The following TSPAN8 variants were observed in gnomAD, a reference collection of about 807,000 sequenced individuals.
TSPAN8 encodes the protein tetraspanin 8.
TSPAN8 carries 21 observed loss-of-function variants against 32.8 expected under a neutral mutation model. The ratio of observed to expected loss-of-function variants is 0.64; its 90% CI spans 0.45 to 0.92. TSPAN8 has a LOEUF of 0.92. Ranked by LOEUF, TSPAN8 falls within the 40% of genes least tolerant of loss-of-function variation. The pLI, the probability that TSPAN8 is intolerant of heterozygous loss-of-function variation, is 0.00. For synonymous variants in TSPAN8, 95 were observed against 94.6 expected, an observed-to-expected ratio of 1.00 and a Z score of -0.03; for missense variants, 269 against 281.9, an observed-to-expected ratio of 0.95 and a Z score of 0.33.
At chr12:71,156,269 C>CAAAAAAAAAAAAAAAAAAAAAAAAAAAA (rs1287011627) in intron 2 of TSPAN8, among the ~76,000 whole-genome samples, 3 of 32,520 alleles carry the variant, frequency 9.2e-5, no homozygotes, top group African/African-American at 2.5e-4. Flanking sequence ...AAAAAAAAAA[C>CAAAAAAAAAAAAAAAAAAAAAAAAAAAA]AAACAAAAAA....
Position 71,129,409 on chromosome 12 carries a change from A to G in TSPAN8, c.582T>C (p.Cys194=). 6.4e-7 allele frequency: 1 copy of G among 1,563,436 alleles called. No homozygotes were observed. ...YNGKQVYKET[C]ISFIKDFLAK... ...CCAAGAAGTCTTTTATGAAAGAAAT[A>G]CAGGTCTGTTAAAAAAAAAAAACAT... is the stretch of plus-strand genomic sequence containing the variant. The change falls in exon 8 of 9, where the codon TGT becomes TGC. Residue 194 remains cysteine, a synonymous_variant. Coordinates refer to ENST00000247829, the MANE Select transcript of TSPAN8 (RefSeq NM_004616.3).
At chr12:71,126,296 C>T (rs1024878405) in intron 8 of TSPAN8, among the ~76,000 whole-genome samples, 4 of 152,118 alleles carry the variant, frequency 2.6e-5, no homozygotes, top group Admixed American at 2.0e-4. Flanking sequence ...AGGTTGACAC[C>T]AATTCTCTGC....
chr12:71,151,670 A>G (rs1033326473), intron 2 of TSPAN8, among the ~76,000 whole-genome samples: 2 of 152,226 alleles, frequency 1.3e-5, no homozygotes, highest in South Asian at 4.1e-4. Flanking sequence ...AAAGCCTGGG[A>G]AAAATACAAA....
At position 71,139,722 on chromosome 12, in the gene TSPAN8, T is replaced by C. The variant is rs375610599; in HGVS notation, c.250A>G (p.Met84Val). Reference protein sequence around the residue: ...CCGAIKESRCMLLLFFIGLLL... With the variant: ...CCGAIKESRCVLLLFFIGLLL... ...TTTGGAGAACTCACCAACAGAAGCA[T>C]GCAGCGACTTTCTTTTATAGCACCG... Residue 84 changes from methionine (M) to valine (V), a missense_variant, in exon 4 of 9, where the codon ATG (methionine) becomes GTG (valine). By Grantham distance (21) the Met-to-Val change is conservative. Transcript: ENST00000247829. The C allele has an allele frequency of 2.5e-5, 40 of 1,613,738 alleles. No homozygotes were observed. The Middle Eastern group carries it at 1.5e-3, about 60-fold the overall frequency.
chr12:71,139,886 T>G, intron 3 of TSPAN8, 38 bp from the exon 4 acceptor site: 1 of 1,593,054 alleles, frequency 6.3e-7, no homozygotes, highest in Non-Finnish European at 8.6e-7. Context: ...AAAATTTATT[T>G]CCTTGAAGTT....
intron 8 of TSPAN8, among the ~76,000 whole-genome samples, chr12:71,129,070 A>C (rs996609210): frequency 1.3e-5 from 2 of 152,144 alleles, no homozygotes; most frequent in African/African-American, 4.8e-5. Context: ...AATTAATTCT[A>C]TCTTTTTCCC....
chr12:71,156,146 A>G (rs9668849), intron 2 of TSPAN8, among the ~76,000 whole-genome samples: 1 of 151,838 alleles, frequency 6.6e-6, no homozygotes, highest in Non-Finnish European at 1.5e-5. Context: ...GGAAGTGAAT[A>G]CAGTAAAAAT....
chr12:71,129,115 C>G (rs1451101870), intron 8 of TSPAN8, among the ~76,000 whole-genome samples: 1 of 151,984 alleles, frequency 6.6e-6, no homozygotes, highest in East Asian at 1.9e-4. Context: ...GAATCTCAAC[C>G]CTGCTCACTT....
chr12:71,142,864 G>A lies in TSPAN8; in HGVS notation c.123+1287C>T, dbSNP rs1245104701. ...GAAAAAAACAAAAAAAAAAAAAACA[G>A]AGATAGAGTGAGAAAGAAATTTTCA... On this transcript the variant is annotated intron_variant, in intron 3 of 8. Coordinates refer to ENST00000247829, the MANE Select transcript of TSPAN8 (RefSeq NM_004616.3). Among the ~76,000 whole-genome samples the A allele has an allele frequency of 7.1e-4, 99 of 138,932 alleles. 1 individual carries two copies. The highest frequency in any genetic ancestry group is 4.8e-3 in the Admixed American group (66 of 13,824). 91.1% of individuals were successfully genotyped at this position (138,932 alleles called of 152,430 possible). A position where few individuals can be genotyped will look rare whatever the true frequency, so the allele number is the denominator to read the frequency against.
At position 71,138,066 on chromosome 12, in the gene TSPAN8, A is replaced by T. The variant is rs1371167961; in HGVS notation, c.337-6T>A. ...TCATTCACAATGCGATCAGACTGAAAATTGAAAAGTATTTTACATTATTCA... is the reference window on the plus strand; with the variant it reads ...TCATTCACAATGCGATCAGACTGAATATTGAAAAGTATTTTACATTATTCA... On this transcript the variant is annotated splice_polypyrimidine_tract_variant and splice_region_variant and intron_variant, in intron 5 of 8. Coordinates refer to ENST00000247829, the MANE Select transcript of TSPAN8 (RefSeq NM_004616.3). 9 of 1,612,254 alleles carry T rather than the reference A, an allele frequency of 5.6e-6. No individual in the cohort carries two copies. Among genetic ancestry groups the T allele is most frequent in the Non-Finnish European group, 7.6e-6 (9 of 1,179,580 alleles).
chr12:71,126,139 T>C lies in TSPAN8; in HGVS notation c.661-752A>G, dbSNP rs186978284. Among the ~76,000 whole-genome samples, 229 of 152,224 alleles carry C rather than the reference T, an allele frequency of 1.5e-3. 1 individual carries two copies. Among genetic ancestry groups the C allele is most frequent in the African/African-American group, 5.3e-3 (221 of 41,546 alleles). On this transcript the variant is annotated intron_variant, in intron 8 of 8. Coordinates refer to ENST00000247829, the MANE Select transcript of TSPAN8 (RefSeq NM_004616.3). ...AGTTTCCTCCCCCACCAGCCCCTTTTGAAGGGAGGATGGAGGAAGGCAAAG... is the reference window on the plus strand; with the variant it reads ...AGTTTCCTCCCCCACCAGCCCCTTTCGAAGGGAGGATGGAGGAAGGCAAAG...
intron 4 of TSPAN8, chr12:71,139,262 C>G: frequency 4.4e-6 from 2 of 458,424 alleles, no homozygotes; most frequent in East Asian, 6.9e-5. Flanking sequence ...GTTGTCTTTC[C>G]GGAAAGCTTT....
chr12:71,136,119 G>C (rs1310669524), intron 6 of TSPAN8, among the ~76,000 whole-genome samples: 1 of 150,308 alleles, frequency 6.7e-6, no homozygotes, highest in East Asian at 1.9e-4. Flanking sequence ...CTGATAAAAA[G>C]TTTGAGAAAC....
At chr12:71,128,657 A>T (rs11178643) in intron 8 of TSPAN8, among the ~76,000 whole-genome samples, 35,104 of 138,818 alleles carry the variant, frequency 0.25, 5,212 homozygotes, top group Non-Finnish European at 0.35. Flanking sequence ...TTTTTTTTTA[A>T]AAAAAAAACA....
chr12:71,129,446 T>G (rs764614275), intron 7 of TSPAN8, 32 bp from the exon 8 acceptor site: 3 of 1,536,216 alleles, frequency 2.0e-6, no homozygotes, highest in Non-Finnish European at 2.6e-6. Context: ...AAAAGTTACC[T>G]CTCAGAAAAA....
At chr12:71,128,974 T>A (rs1388421226) in intron 8 of TSPAN8, among the ~76,000 whole-genome samples, 1 of 149,712 alleles carries the variant, frequency 6.7e-6, no homozygotes, top group Non-Finnish European at 1.5e-5. Context: ...CTTTGTTTGG[T>A]GCTTTTTCTT....
intron 2 of TSPAN8, among the ~76,000 whole-genome samples, chr12:71,153,586 T>A (rs1872325809): frequency 6.6e-6 from 1 of 152,226 alleles, no homozygotes; most frequent in African/African-American, 2.4e-5. Context: ...GCCCTGGGCA[T>A]CTATAAGAAA....
At chr12:71,145,892 T>C (rs1872061452) in intron 2 of TSPAN8, among the ~76,000 whole-genome samples, 1 of 152,208 alleles carries the variant, frequency 6.6e-6, no homozygotes, top group African/African-American at 2.4e-5. Flanking sequence ...TCTTTCCTGA[T>C]ATTTGTTAAA....
chr12:71,131,719 C>T, intron 7 of TSPAN8, among the ~76,000 whole-genome samples: 1 of 150,188 alleles, frequency 6.7e-6, no homozygotes. Flanking sequence ...ATACTAATAT[C>T]AATTGTAATT....
Sources: gnomAD v4.1 joint callset for allele counts (sites outside exome capture counted in the v4.1 genomes callset) on GRCh38, gnomAD v4.1.1 for gene constraint, MANE v1.5 for transcripts, NCBI Gene and HGNC (gene_info 2026-07-23, HGNC 2026-07-21) for gene names.